Variants in DZANK1 observed in about 807,000 individuals in gnomAD.
DZANK1 encodes double zinc ribbon and ankyrin repeat domains 1.
DZANK1 carries 91 observed loss-of-function variants against 94.5 expected under a neutral mutation model. That is an observed-to-expected ratio of 0.96 (90% confidence interval 0.81 to 1.15). The LOEUF is 1.15. Among genes scored for constraint, DZANK1 ranks in the 50% most tolerant of loss-of-function variants. The pLI, the probability that DZANK1 is intolerant of heterozygous loss-of-function variation, is 0.00. For missense variants in DZANK1, 903 were observed against 916.4 expected (o/e 0.99, Z 0.19); for synonymous variants, 312 against 325.3 (o/e 0.96, Z 0.44).
intron 13 of DZANK1, among the ~76,000 whole-genome samples, chr20:18,403,753 C>A (rs2056806223): frequency 6.7e-6 from 1 of 150,058 alleles, no homozygotes; most frequent in African/African-American, 2.5e-5. Context: ...CCCAGGATGA[C>A]TTTGAATGGA....
intron 8 of DZANK1, among the ~76,000 whole-genome samples, chr20:18,440,145 C>T (rs895557171): frequency 6.6e-6 from 1 of 152,174 alleles, no homozygotes; most frequent in South Asian, 2.1e-4. Flanking sequence ...AACCTGCTGG[C>T]GCCTTGATCT....
intron 19 of DZANK1, among the ~76,000 whole-genome samples, chr20:18,389,326 A>G (rs1380252370): frequency 1.3e-5 from 2 of 152,128 alleles, no homozygotes; most frequent in African/African-American, 4.8e-5. Context: ...CTTCATGGGG[A>G]TATTTTCATG....
At position 18,393,827 on chromosome 20, in the gene DZANK1, T is replaced by TG; in HGVS notation, c.1709-17dup. The TG allele has an allele frequency of 6.3e-7, 1 of 1,575,214 alleles. No homozygotes were observed. Among genetic ancestry groups the TG allele is most frequent in the Non-Finnish European group, 8.7e-7 (1 of 1,149,780 alleles). ...TAGTCACTCACTGAAATGACACAGT[T>TG]GGGGAAAAAAATGATGCCCCTCCCC... On this transcript the variant is annotated splice_polypyrimidine_tract_variant and intron_variant, in intron 16 of 20. Coordinates refer to ENST00000262547, the Ensembl canonical transcript of DZANK1.
At chr20:18,462,662 T>C (rs1473872438) in intron 2 of DZANK1, among the ~76,000 whole-genome samples, 1 of 152,162 alleles carries the variant, frequency 6.6e-6, no homozygotes, top group Non-Finnish European at 1.5e-5. Context: ...TGTAAGTTAA[T>C]TCAGCCACTG....
chr20:18,455,575 G>A (rs897333898), intron 3 of DZANK1, among the ~76,000 whole-genome samples: 2 of 152,182 alleles, frequency 1.3e-5, no homozygotes, highest in African/African-American at 2.4e-5. Flanking sequence ...CAAAGGTAGT[G>A]CCTTAAAACA....
chr20:18,436,296 T>C (rs2058517651), intron 8 of DZANK1, among the ~76,000 whole-genome samples: 1 of 151,952 alleles, frequency 6.6e-6, no homozygotes, highest in African/African-American at 2.4e-5. Context: ...ACTGAAATTC[T>C]AAAAATCGCC....
exon 21 of DZANK1, chr20:18,384,018 C>T (rs1463805324): frequency 6.2e-6 from 1 of 162,228 alleles, no homozygotes; most frequent in African/African-American, 2.4e-5. Context: ...CTCAAATACA[C>T]ATTTCAGAAA....
intron 17 of DZANK1, among the ~76,000 whole-genome samples, chr20:18,390,772 G>A (rs539032874): frequency 6.6e-6 from 1 of 152,298 alleles, no homozygotes; most frequent in Non-Finnish European, 1.5e-5. Context: ...AGAGCTCTAG[G>A]AAAAGCAATC....
chr20:18,460,291 T>C (rs755627720), exon 3 of DZANK1: 2 of 1,563,314 alleles, frequency 1.3e-6, no homozygotes, highest in Non-Finnish European at 1.7e-6. Context: ...ATAATATATG[T>C]TGACATCTGG....
chr20:18,396,465 TACTC>T lies in DZANK1; in HGVS notation c.1611+3_1611+6del. 6.2e-7 allele frequency: 1 copy of T among 1,609,166 alleles called. No individual in the cohort carries two copies. The highest frequency in any genetic ancestry group is 8.5e-7 in the Non-Finnish European group (1 of 1,176,700). ...CTCAAATGAATAACTTCTGGAGGCT[TACTC>T]ACCTTGTTTGAGACTTGACTATAAT... On this transcript the variant is annotated splice_donor_5th_base_variant and intron_variant, in intron 15 of 20. Transcript: ENST00000262547.
At chr20:18,391,838 G>A (rs1302278745) in intron 17 of DZANK1, among the ~76,000 whole-genome samples, 1 of 152,144 alleles carries the variant, frequency 6.6e-6, no homozygotes, top group Non-Finnish European at 1.5e-5. Context: ...CTCCTTTCTC[G>A]CTGTCCCCAT....
intron 19 of DZANK1, among the ~76,000 whole-genome samples, chr20:18,385,574 C>A (rs921470509): frequency 5.3e-5 from 8 of 152,072 alleles, no homozygotes; most frequent in Admixed American, 1.3e-4. Flanking sequence ...TGCCACCATG[C>A]CTGGCTAATT....
intron 12 of DZANK1, among the ~76,000 whole-genome samples, chr20:18,413,500 G>A (rs994335310): frequency 2.6e-5 from 4 of 152,150 alleles, no homozygotes; most frequent in Admixed American, 6.5e-5. Context: ...AGCCATGAAC[G>A]GCTGGGCATG....
At chr20:18,462,283 G>C (rs994152575) in intron 2 of DZANK1, among the ~76,000 whole-genome samples, 2 of 152,016 alleles carry the variant, frequency 1.3e-5, no homozygotes, top group Non-Finnish European at 1.5e-5. Flanking sequence ...CACTGAAACA[G>C]TAAACAACCA....
chr20:18,434,382 T>C (rs1271084959), intron 8 of DZANK1, among the ~76,000 whole-genome samples: 1 of 151,412 alleles, frequency 6.6e-6, no homozygotes, highest in East Asian at 1.9e-4. Context: ...CCAGCTCTAC[T>C]AAAAATACAA....
At chr20:18,431,251 G>C (rs906397084) in intron 9 of DZANK1, among the ~76,000 whole-genome samples, 3 of 151,886 alleles carry the variant, frequency 2.0e-5, no homozygotes, top group Non-Finnish European at 2.9e-5. Flanking sequence ...AAATCTGATA[G>C]AGCAAAATTC....
At chr20:18,409,583 C>CACACACA (rs1555858807) in intron 13 of DZANK1, among the ~76,000 whole-genome samples, 12,261 of 140,356 alleles carry the variant, frequency 0.087, 711 homozygotes, top group Middle Eastern at 0.12. Context: ...CACACACACA[C>CACACACA]CACCACCACC....
At chr20:18,411,362 C>CA (rs1293962497) in intron 13 of DZANK1, among the ~76,000 whole-genome samples, 8 of 152,052 alleles carry the variant, frequency 5.3e-5, no homozygotes. Flanking sequence ...GTATCACAAA[C>CA]AACTGTATGC....
chr20:18,465,376 C>CTATA (rs778654956), exon 2 of DZANK1: 7 of 1,355,846 alleles, frequency 5.2e-6, no homozygotes, highest in Non-Finnish European at 4.1e-6. Flanking sequence ...CTCTCTCTCT[C>CTATA]TCTCTATATA....
Sources: gnomAD v4.1 joint callset for allele counts (sites outside exome capture counted in the v4.1 genomes callset) on GRCh38, gnomAD v4.1.1 for gene constraint, MANE v1.5 for transcripts, NCBI Gene and HGNC (gene_info 2026-07-23, HGNC 2026-07-21) for gene names.